The following SAMD14 variants were observed in gnomAD, a reference collection of about 807,000 sequenced individuals.
SAMD14 encodes the protein sterile alpha motif domain-containing protein 14.
A neutral mutation model predicts 46.2 loss-of-function variants in SAMD14; 27 were observed. That is an observed-to-expected ratio of 0.58 (90% CI 0.43 to 0.81). The LOEUF (loss-of-function observed/expected upper bound fraction) is 0.81, where lower values mean the gene tolerates loss of function less well. SAMD14 is among the 30% of genes least tolerant of loss of function. The pLI is 0.00. For missense variants in SAMD14, 559 were observed against 582.2 expected (o/e 0.96, Z 0.41); for synonymous variants, 241 against 254.3 (o/e 0.95, Z 0.50).
intron 2 of SAMD14, among the ~76,000 whole-genome samples, chr17:50,122,580 A>G (rs995073358): frequency 2.0e-5 from 3 of 152,116 alleles, no homozygotes; most frequent in African/African-American, 4.8e-5. Context: ...CCATGAGGAC[A>G]GTGATTTTGT....
In SAMD14 at chr17:50,117,418, G is replaced by C. The variant is rs1003720742; in HGVS notation, c.488C>G (p.Pro163Arg). ...SFVRRHPRAE[P>R]HSEDDSRDAS... ...TGGCCGCCTCTCACCTTCGCTGTGCGGCTCTGCGCGCGGGTGGCGGCGCAC... is the reference window on the plus strand; with the variant it reads ...TGGCCGCCTCTCACCTTCGCTGTGCCGCTCTGCGCGCGGGTGGCGGCGCAC... The change falls in exon 4 of 10, where the codon CCG becomes CGG. Residue 163 changes from proline (P) to arginine (R), a missense_variant. Transcript: ENST00000330175. The C allele has an allele frequency of 2.7e-5, 36 of 1,331,094 alleles. No individual in the cohort carries two copies. Among genetic ancestry groups the C allele is most frequent in the Admixed American group, 8.2e-5 (2 of 24,420 alleles). The allele number at this position is 1,331,094 out of a possible 1,614,324, so 82.5% of individuals were successfully genotyped here. A position where few individuals can be genotyped will look rare whatever the true frequency, so the allele number is the denominator to read the frequency against.
chr17:50,126,064 G>A (rs1001166593), intron 1 of SAMD14, among the ~76,000 whole-genome samples: 3 of 152,104 alleles, frequency 2.0e-5, no homozygotes, highest in African/African-American at 7.2e-5. Flanking sequence ...CTGGCTGGGG[G>A]GAGAGTGAGG....
intron 1 of SAMD14, among the ~76,000 whole-genome samples, chr17:50,128,220 C>T (rs1911865222): frequency 6.6e-6 from 1 of 152,128 alleles, no homozygotes; most frequent in African/African-American, 2.4e-5. Flanking sequence ...CTGGAGTCCT[C>T]CTCTTCCAGG....
intron 4 of SAMD14, among the ~76,000 whole-genome samples, chr17:50,117,118 G>C (rs1911247507): frequency 6.6e-6 from 1 of 152,208 alleles, no homozygotes; most frequent in African/African-American, 2.4e-5. Context: ...CCAAGGTGTT[G>C]GGATTACAGG....
In SAMD14 at chr17:50,114,377, C is replaced by A. The variant is rs145034256; in HGVS notation, c.823-71G>T. On this transcript the variant is annotated intron_variant, in intron 7 of 9. Transcript: ENST00000330175. ...CCCACCATCCCTATCTGGGTGGAGC[C>A]GAAGTCCTGGACTAGGCACCAGGAG... The A allele has an allele frequency of 6.2e-7, 1 of 1,614,038 alleles. No individual in the cohort carries two copies. The highest frequency in any genetic ancestry group is 1.1e-5 in the South Asian group (1 of 91,060).
At position 50,112,977 on chromosome 17, in the gene SAMD14, G is replaced by A. The variant is rs573866854; in HGVS notation, c.1170C>T (p.Ala390=). ...TCTCCTGGGCCTTGCGCTCCTTCTCGGCAGCTGCTGCCATCTCCTTCAACT... is the reference window on the plus strand; with the variant it reads ...TCTCCTGGGCCTTGCGCTCCTTCTCAGCAGCTGCTGCCATCTCCTTCAACT... ...KRKLKEMAAA[A]EKERKAQEKA... The change falls in exon 10 of 10, where the codon GCC becomes GCT. Residue 390 remains alanine, a synonymous_variant. Transcript: ENST00000330175. The A allele has an allele frequency of 2.4e-4, 386 of 1,611,802 alleles. 4 individuals carry two copies. In the South Asian group the frequency reaches 3.4e-3, roughly 14 times the overall value.
intron 4 of SAMD14, among the ~76,000 whole-genome samples, chr17:50,116,836 C>A (rs1482749751): frequency 6.6e-6 from 1 of 152,178 alleles, no homozygotes. Flanking sequence ...CCAAATAGCA[C>A]TTGTTATAGT....
chr17:50,113,705 T>C, intron 9 of SAMD14: 1 of 583,970 alleles, frequency 1.7e-6, no homozygotes, highest in Non-Finnish European at 3.0e-6. Flanking sequence ...AGTCATGGAC[T>C]AGAGTTTCAA....
intron 4 of SAMD14, chr17:50,116,400 CT>C (rs10596441): frequency 0.034 from 4,558 of 132,576 alleles, 53 homozygotes; most frequent in African/African-American, 0.083. Flanking sequence ...TCCTGGCCAA[CT>C]TTTTTTTTTT....
rs140494335 is a variant in SAMD14, at chr17:50,126,585, G to A, written c.-12-1614C>T. ...CTCCCAAAGTGTTGGGATTACAGGC[G>A]TGAGCCACCGCGCCTGGCCTGGGAA... is the stretch of plus-strand genomic sequence containing the variant. On this transcript the variant is annotated intron_variant, in intron 1 of 9. Coordinates refer to ENST00000330175, the MANE Select transcript of SAMD14 (RefSeq NM_001257359.2). 7.2e-3 allele frequency among the ~76,000 whole-genome samples: 1,090 copies of A among 152,142 alleles called. 10 individuals are homozygous for A. Among genetic ancestry groups the A allele is most frequent in the African/African-American group, 0.023 (969 of 41,542 alleles).
Position 50,114,057 on chromosome 17 carries a change from G to C in SAMD14, c.965C>G (p.Pro322Arg), listed in dbSNP as rs201563652. Residue 322 changes from proline to arginine, a missense_variant, in exon 9 of 10, where the codon CCT (proline) becomes CGT (arginine). Physicochemically the swap from Pro to Arg is moderately radical, Grantham distance 103 (BLOSUM62 -2). Coordinates refer to ENST00000330175, the MANE Select transcript of SAMD14 (RefSeq NM_001257359.2). Reference protein sequence around the residue: ...SDEFLDEPLPPVHHWTSQQVG... With the variant: ...SDEFLDEPLPRVHHWTSQQVG... ...CTGCTGGCTGGTCCAGTGGTGGACA[G>C]GGGGGAGGGGTTCATCCAGGAACTG... 408 of 1,613,474 alleles carry C rather than the reference G, an allele frequency of 2.5e-4. No homozygotes were observed. Among genetic ancestry groups the C allele is most frequent in the Non-Finnish European group, 3.3e-4 (385 of 1,180,002 alleles).
At chr17:50,116,663 TC>T (rs991682256) in intron 4 of SAMD14, among the ~76,000 whole-genome samples, 1 of 151,654 alleles carries the variant, frequency 6.6e-6, no homozygotes, top group Admixed American at 6.6e-5. Context: ...CGCCTCGGCC[TC>T]CCAAAGTGCT....
chr17:50,114,617 CAG>C (rs1911080963), intron 7 of SAMD14: 1 of 613,386 alleles, frequency 1.6e-6, no homozygotes, highest in Non-Finnish European at 2.8e-6. Flanking sequence ...CAGGCTGGGT[CAG>C]GTGTCTCTGC....
chr17:50,114,137 C>A lies in SAMD14; in HGVS notation c.942+50G>T, dbSNP rs200437836. On this transcript the variant is annotated intron_variant, in intron 8 of 9. Coordinates refer to ENST00000330175, the MANE Select transcript of SAMD14 (RefSeq NM_001257359.2). The stretch of plus-strand genomic sequence containing the variant: ...CTTGGCCTGTGACCTGAGCACCTTG[C>A]AGAGTCAGAGGTCAGGACTCCGTGG... 6.1e-5 allele frequency: 98 copies of A among 1,613,836 alleles called. No individual in the cohort carries two copies. The African/African-American group carries it at 1.3e-3, about 21-fold the overall frequency.
rs866630820 is a variant in SAMD14 at position 50,124,058 on chromosome 17, C to T, written c.43+859G>A. ...AGCTGGGGACCCTCTGGCATAGGAGCCCCTCGAGGAGCAGGCCGCTCTCAC... is the reference window on the plus strand; with the variant it reads ...AGCTGGGGACCCTCTGGCATAGGAGTCCCTCGAGGAGCAGGCCGCTCTCAC... On this transcript the variant is annotated intron_variant, in intron 2 of 9. Coordinates refer to ENST00000330175, the MANE Select transcript of SAMD14 (RefSeq NM_001257359.2). The T allele has an allele frequency of 5.3e-5, 24 of 455,954 alleles. 2 individuals are homozygous for T. The Middle Eastern group carries it at 7.2e-3, about 136-fold the overall frequency. 28.2% of individuals were successfully genotyped at this position (455,954 alleles called of 1,614,324 possible).
intron 2 of SAMD14, among the ~76,000 whole-genome samples, chr17:50,120,826 A>G (rs1462932115): frequency 6.6e-6 from 1 of 152,164 alleles, no homozygotes; most frequent in Non-Finnish European, 1.5e-5. Context: ...CTTCGCTTAA[A>G]TGCTTTCTCT....
At chr17:50,126,199 G>A (rs1158172549) in intron 1 of SAMD14, among the ~76,000 whole-genome samples, 1 of 152,158 alleles carries the variant, frequency 6.6e-6, no homozygotes, top group Non-Finnish European at 1.5e-5. Flanking sequence ...TCATACATGT[G>A]TCAGATGTAG....
chr17:50,117,404 C>T lies in SAMD14; in HGVS notation c.499+3G>A. ...AGGAGGTGCGGCGCTGGCCGCCTCT[C>T]ACCTTCGCTGTGCGGCTCTGCGCGC... On this transcript the variant is annotated splice_donor_region_variant and intron_variant, in intron 4 of 9. Coordinates refer to ENST00000330175, the MANE Select transcript of SAMD14 (RefSeq NM_001257359.2). The T allele has an allele frequency of 7.6e-7, 1 of 1,313,448 alleles. No individual in the cohort carries two copies. The highest frequency in any genetic ancestry group is 9.7e-7 in the Non-Finnish European group (1 of 1,034,668). 81.4% of individuals were successfully genotyped at this position (1,313,448 alleles called of 1,614,324 possible).
chr17:50,124,771 G>GCACGCACACACACACA lies in SAMD14; in HGVS notation c.43+145_43+146insTGTGTGTGTGTGCGTG, dbSNP rs1555563138. 1.2e-4 allele frequency: 69 copies of GCACGCACACACACACA among 569,680 alleles called. No individual in the cohort carries two copies. The African/African-American group carries it at 1.3e-3, about 11-fold the overall frequency. 35.3% of individuals were successfully genotyped at this position (569,680 alleles called of 1,614,324 possible). Reference sequence around the variant, plus strand: ...TACCTGCACGCGTGCACGCGCGCGCGCACACACACACACACACACACACAC... The same window carrying GCACGCACACACACACA: ...TACCTGCACGCGTGCACGCGCGCGCGCACGCACACACACACACACACACACACACACACACACACAC... On this transcript the variant is annotated intron_variant, in intron 2 of 9. Coordinates refer to ENST00000330175, the MANE Select transcript of SAMD14 (RefSeq NM_001257359.2).
Sources: allele counts gnomAD v4.1 joint callset (sites outside exome capture counted in the v4.1 genomes callset), GRCh38; gene constraint gnomAD v4.1.1; transcripts MANE v1.5; gene names NCBI Gene and HGNC (gene_info 2026-07-23, HGNC 2026-07-21).